Variants in SULF2 observed in about 807,000 individuals in gnomAD.
The protein encoded by SULF2 is extracellular sulfatase Sulf-2.
A neutral mutation model predicts 107.7 loss-of-function variants in SULF2; 52 were observed. The observed-to-expected ratio is 0.48, with a 90% confidence interval of 0.39 to 0.61. The LOEUF (loss-of-function observed/expected upper bound fraction) is 0.61. Among genes scored for constraint, SULF2 ranks in the 20% least tolerant of loss-of-function variants. The probability of loss-of-function intolerance (pLI) is 0.00; values close to 1 mark genes in which losing one functional copy is unlikely to be tolerated. For synonymous variants in SULF2, 460 were observed against 464.3 expected, an observed-to-expected ratio of 0.99 and a Z score of 0.12; for missense variants, 993 against 1,177.3, an observed-to-expected ratio of 0.84 and a Z score of 2.29.
chr20:47,672,537 T>A, intron 10 of SULF2, 144 bp from the exon 11 acceptor site: 8 of 1,422,458 alleles, frequency 5.6e-6, no homozygotes, highest in Non-Finnish European at 7.3e-6. Flanking sequence ...CTATCTCCAA[T>A]GCCGCTTCTC....
intron 17 of SULF2, 45 bp from the exon 18 acceptor site, chr20:47,661,941 C>A: frequency 6.9e-7 from 1 of 1,453,482 alleles, no homozygotes; most frequent in Non-Finnish European, 9.2e-7. Flanking sequence ...AGTACAGGGA[C>A]TCTCGCCCTG....
intron 5 of SULF2, among the ~76,000 whole-genome samples, chr20:47,688,197 C>T (rs755703353): frequency 2.6e-5 from 4 of 152,250 alleles, no homozygotes; most frequent in East Asian, 3.9e-4. Context: ...GTGCTCTAAC[C>T]GTGCGCCCCG....
intron 2 of SULF2, among the ~76,000 whole-genome samples, chr20:47,744,848 C>T (rs969290469): frequency 6.6e-6 from 1 of 152,154 alleles, no homozygotes; most frequent in Non-Finnish European, 1.5e-5. Context: ...CCACACACCC[C>T]TCTCCAGGCC....
chr20:47,745,395 AAAAAAAAAAAAAAAAATAT>A (rs1466683909), intron 2 of SULF2, among the ~76,000 whole-genome samples: 65 of 22,176 alleles, frequency 2.9e-3, no homozygotes, highest in Admixed American at 3.8e-3. Context: ...AAAAAAAAAA[AAAAAAAAAAAAAAAAATAT>A]ATATATATAT....
intron 19 of SULF2, 40 bp downstream of exon 19, chr20:47,659,657 A>C (rs1468063842): frequency 1.9e-6 from 3 of 1,575,430 alleles, no homozygotes; most frequent in African/African-American, 2.7e-5. Context: ...GGGCCAAGAT[A>C]GGAGAACTTT....
chr20:47,664,008 C>T (rs557017581), intron 15 of SULF2, 122 bp downstream of exon 15: 10 of 1,065,102 alleles, frequency 9.4e-6, no homozygotes, highest in African/African-American at 4.7e-5. Context: ...CGAGGGCTAC[C>T]GTGGACTTCC....
intron 19 of SULF2, 59 bp from the exon 20 acceptor site, chr20:47,659,511 C>T (rs73913405): frequency 0.035 from 54,981 of 1,568,916 alleles, 1,145 homozygotes; most frequent in Middle Eastern, 0.082. Context: ...AAGAAAAAGT[C>T]CCCAAAGAAC....
chr20:47,774,718 G>A (rs144391714), intron 1 of SULF2, among the ~76,000 whole-genome samples: 2,529 of 152,242 alleles, frequency 0.017, 38 homozygotes, highest in Non-Finnish European at 0.025. Flanking sequence ...AACAATTTTT[G>A]TCCATCTGGT....
chr20:47,680,498 C>T lies in SULF2; in HGVS notation c.1065-1694G>A, dbSNP rs867329920. 6.6e-6 allele frequency among the ~76,000 whole-genome samples: 1 copy of T among 152,222 alleles called. No homozygotes were observed. The highest frequency in any genetic ancestry group is 1.5e-5 in the Non-Finnish European group (1 of 68,030). On this transcript the variant is annotated intron_variant, in intron 7 of 20. Coordinates refer to ENST00000688720, the MANE Select transcript of SULF2 (RefSeq NM_001387048.1). This position sits in a 1 kb window ranked among gnomAD's most constrained non-coding sequence, Gnocchi z 4.2. ...GGACCTGTTGAATGGTGGACAGTCC[C>T]GTCAGAGCATCTGAGTGCCTTCCCC...
intron 2 of SULF2, among the ~76,000 whole-genome samples, chr20:47,742,443 G>A (rs2146819420): frequency 6.6e-6 from 1 of 152,276 alleles, no homozygotes; most frequent in South Asian, 2.1e-4. Context: ...GGTTGAGGGT[G>A]AGGTCACTCT....
rs199624250 is a variant in SULF2, at chr20:47,736,883, T to C, written c.235A>G (p.Ile79Val). 1 of 1,614,234 alleles carries C rather than the reference T, an allele frequency of 6.2e-7. No homozygotes were observed. Among genetic ancestry groups the C allele is most frequent in the Non-Finnish European group, 8.5e-7 (1 of 1,180,024 alleles). The change falls in exon 3 of 21, where the codon ATC (isoleucine) becomes GTC (valine). Residue 79 changes from isoleucine (I) to valine (V), a missense_variant. Around this residue, in one of 3 missense-constraint regions of SULF2, gnomAD observed 388 missense variants for 449.2 expected, o/e 0.86. Coordinates refer to ENST00000688720, the MANE Select transcript of SULF2 (RefSeq NM_001387048.1). ...RIMEQGGAHF[I>V]NAFVTTPMCC... is the part of the protein sequence containing the mutation. Reference sequence around the variant, plus strand: ...ATGGGTGTGGTCACGAAGGCGTTGATGAAGTGCGCCCCGCCCTGCTCCATG... The same window carrying C: ...ATGGGTGTGGTCACGAAGGCGTTGACGAAGTGCGCCCCGCCCTGCTCCATG...
intron 3 of SULF2, among the ~76,000 whole-genome samples, chr20:47,724,141 C>T (rs541603893): frequency 6.6e-6 from 1 of 152,298 alleles, no homozygotes; most frequent in African/African-American, 2.4e-5. Context: ...GCAGCCCTGG[C>T]GAGGAGATGC....
chr20:47,724,439 C>T (rs868093419), intron 3 of SULF2, among the ~76,000 whole-genome samples: 4 of 152,194 alleles, frequency 2.6e-5, no homozygotes, highest in South Asian at 2.1e-4. Context: ...CTGGTTGTAG[C>T]AGGGCCAGGC....
chr20:47,750,622 G>C (rs936702706), intron 2 of SULF2, among the ~76,000 whole-genome samples: 1 of 152,156 alleles, frequency 6.6e-6, no homozygotes, highest in Non-Finnish European at 1.5e-5. Context: ...ACACAAATCA[G>C]ATGCTCAATG....
intron 4 of SULF2, among the ~76,000 whole-genome samples, chr20:47,690,964 G>A (rs143625359): frequency 4.1e-4 from 62 of 152,104 alleles, no homozygotes; most frequent in African/African-American, 1.2e-3. Flanking sequence ...GTATTTGCTC[G>A]CTTAATTCTG....
intron 3 of SULF2, among the ~76,000 whole-genome samples, chr20:47,728,216 T>C (rs1488907683): frequency 2.6e-5 from 4 of 151,900 alleles, no homozygotes; most frequent in African/African-American, 9.7e-5. Context: ...GAGCTGTGTG[T>C]GTGCGTGCGT....
intron 3 of SULF2, among the ~76,000 whole-genome samples, chr20:47,716,806 C>A (rs191666943): frequency 6.6e-6 from 1 of 151,788 alleles, no homozygotes; most frequent in African/African-American, 2.4e-5. Flanking sequence ...GACCAGCCTG[C>A]GTGACAAAGT....
At position 47,770,115 on chromosome 20, in the gene SULF2, C is replaced by G. The variant is rs181102868; in HGVS notation, c.-100-12652G>C. On this transcript the variant is annotated intron_variant, in intron 1 of 20. Transcript: ENST00000688720. Reference sequence around the variant, plus strand: ...CTGCTCTGTCGCCCAGGCTGGAGTGCAGCGGCACGAACATAGCTCACTGCA... The same window carrying G: ...CTGCTCTGTCGCCCAGGCTGGAGTGGAGCGGCACGAACATAGCTCACTGCA... 1.6e-3 allele frequency among the ~76,000 whole-genome samples: 217 copies of G among 133,984 alleles called. 1 individual carries two copies. Among genetic ancestry groups the G allele is most frequent in the Non-Finnish European group, 2.6e-3 (170 of 65,584 alleles). The allele number at this position is 133,984 out of a possible 152,430, so 87.9% of individuals were successfully genotyped here. A position where few individuals can be genotyped will look rare whatever the true frequency, so the allele number is the denominator to read the frequency against.
intron 3 of SULF2, among the ~76,000 whole-genome samples, chr20:47,720,249 G>A (rs932032900): frequency 2.0e-5 from 3 of 151,836 alleles, no homozygotes; most frequent in Non-Finnish European, 4.4e-5. Flanking sequence ...CACTGCACCT[G>A]GCCTTTATTT....
Sources: gnomAD v4.1 joint callset for allele counts (sites outside exome capture counted in the v4.1 genomes callset) on GRCh38, gnomAD v4.1.1 for gene constraint, gnomAD v4.1.1 regional missense constraint, Gnocchi (gnomAD v3.1) non-coding constraint, MANE v1.5 for transcripts, NCBI Gene and HGNC (gene_info 2026-07-23, HGNC 2026-07-21) for gene names.